The following RELN variants were observed in gnomAD, a reference collection of about 807,000 sequenced individuals.
RELN encodes the protein reelin.
A neutral mutation model predicts 427.6 loss-of-function variants in RELN; 108 were observed. That is an observed-to-expected ratio of 0.25 (90% CI 0.22 to 0.30). The LOEUF is 0.30. Among genes scored for constraint, RELN ranks in the 10% least tolerant of loss-of-function variants. The pLI is 1.00. For synonymous variants in RELN, 1,524 were observed against 1,513.4 expected (o/e 1.01, Z -0.16); for missense variants, 3,715 against 4,302.8 (o/e 0.86, Z 3.82).
Position 103,597,705 on chromosome 7 carries a change from G to A in RELN, c.3334-1044C>T, listed in dbSNP as rs947331622. On this transcript the variant is annotated intron_variant, in intron 24 of 64. Transcript: ENST00000428762. ...TTAGGAGAGATCATTTAAATAAATT[G>A]TTGCAACCACTAAATGGTCTCTGTG... 3.9e-5 allele frequency among the ~76,000 whole-genome samples: 6 copies of A among 152,130 alleles called. No individual in the cohort carries two copies. The East Asian group carries it at 1.2e-3, about 29-fold the overall frequency.
At chr7:103,901,661 G>T (rs3915121) in intron 2 of RELN, among the ~76,000 whole-genome samples, 2 of 152,008 alleles carry the variant, frequency 1.3e-5, no homozygotes, top group African/African-American at 2.4e-5. Flanking sequence ...GTCACATGTT[G>T]TATGTTTCCA....
intron 1 of RELN, among the ~76,000 whole-genome samples, chr7:103,922,805 C>G (rs1795645124): frequency 6.6e-6 from 1 of 152,148 alleles, no homozygotes; most frequent in Non-Finnish European, 1.5e-5. Context: ...AGCTTCTGGT[C>G]TACAAATGCT....
chr7:103,651,455 G>C (rs535005033), intron 15 of RELN, among the ~76,000 whole-genome samples: 1 of 152,170 alleles, frequency 6.6e-6, no homozygotes, highest in East Asian at 1.9e-4. Context: ...CATAAAGAAT[G>C]AATGGCCTTA....
At chr7:103,645,137 T>C (rs1175493834) in intron 16 of RELN, among the ~76,000 whole-genome samples, 2 of 151,590 alleles carry the variant, frequency 1.3e-5, no homozygotes, top group Non-Finnish European at 3.0e-5. Context: ...GTTCTAAACA[T>C]AGAAATTAAA....
intron 10 of RELN, among the ~76,000 whole-genome samples, chr7:103,686,124 C>T (rs1434644761): frequency 3.3e-5 from 5 of 152,074 alleles, no homozygotes; most frequent in African/African-American, 9.7e-5. Flanking sequence ...TATTCTTTGA[C>T]GATATCCTTT....
intron 2 of RELN, among the ~76,000 whole-genome samples, chr7:103,872,032 T>A (rs867464654): frequency 1.4e-4 from 12 of 88,810 alleles, no homozygotes; most frequent in South Asian, 3.5e-4. Context: ...ATATATATAT[T>A]TTTCTTTTTT....
chr7:103,749,806 C>T (rs768756558), intron 5 of RELN, among the ~76,000 whole-genome samples: 1 of 152,160 alleles, frequency 6.6e-6, no homozygotes. Flanking sequence ...AGAGGCTATT[C>T]GGGACTTGTC....
At chr7:103,523,623 C>CA (rs1829758754) in intron 46 of RELN, 92 bp from the exon 47 acceptor site, 1 of 1,207,706 alleles carries the variant, frequency 8.3e-7, no homozygotes, top group East Asian at 2.3e-5. Context: ...AAGTGTAACA[C>CA]AAAAGCATGT....
chr7:103,659,045 G>A (rs1412455298), intron 12 of RELN, among the ~76,000 whole-genome samples: 1 of 151,600 alleles, frequency 6.6e-6, no homozygotes, highest in South Asian at 2.1e-4. Flanking sequence ...AGCAGTTCTA[G>A]TGGCTCCAGT....
In RELN at chr7:103,790,049, C is replaced by T. The variant is rs141587097; in HGVS notation, c.474-13422G>A. Among the ~76,000 whole-genome samples the T allele has an allele frequency of 5.8e-3, 881 of 152,212 alleles. 5 individuals carry two copies. Among genetic ancestry groups the T allele is most frequent in the African/African-American group, 0.02 (815 of 41,528 alleles). On this transcript the variant is annotated intron_variant, in intron 3 of 64. Transcript: ENST00000428762. Reference sequence around the variant, plus strand: ...GTCCTTTGCAGGGACATGGATGAAGCTGGAAACCATCATTCTCAGCAAACT... The same window carrying T: ...GTCCTTTGCAGGGACATGGATGAAGTTGGAAACCATCATTCTCAGCAAACT...
intron 12 of RELN, among the ~76,000 whole-genome samples, chr7:103,658,958 T>C (rs1047556979): frequency 7.2e-5 from 11 of 151,760 alleles, no homozygotes; most frequent in Non-Finnish European, 1.3e-4. Context: ...ACTACTATTT[T>C]CCCCTCTACT....
chr7:103,870,565 G>A (rs939698256), intron 2 of RELN, among the ~76,000 whole-genome samples: 1 of 151,960 alleles, frequency 6.6e-6, no homozygotes, highest in Non-Finnish European at 1.5e-5. Flanking sequence ...TCTAGAGGAG[G>A]TCTTACTCTT....
chr7:103,500,017 C>G (rs920493215), intron 53 of RELN, among the ~76,000 whole-genome samples: 3 of 152,150 alleles, frequency 2.0e-5, no homozygotes, highest in Non-Finnish European at 2.9e-5. Context: ...AGAACAAACA[C>G]AAATGACAGA....
chr7:103,659,114 C>T (rs775280445), intron 12 of RELN, among the ~76,000 whole-genome samples: 3 of 151,814 alleles, frequency 2.0e-5, no homozygotes, highest in South Asian at 4.2e-4. Context: ...GAATTTCTCC[C>T]TTCATATGGC....
chr7:103,501,033 T>TACTAGATGAAATAGGTTAATAAAAAATG, intron 52 of RELN, 111 bp from the exon 53 acceptor site: 2 of 948,706 alleles, frequency 2.1e-6, no homozygotes, highest in Non-Finnish European at 3.4e-6. Flanking sequence ...AAGATACTCT[T>TACTAGATGAAATAGGTTAATAAAAAATG]ACTAGATGAA....
chr7:103,823,193 C>T (rs1793051687), intron 3 of RELN, among the ~76,000 whole-genome samples: 1 of 151,708 alleles, frequency 6.6e-6, no homozygotes, highest in Admixed American at 6.6e-5. Context: ...TATGTTTTTT[C>T]CATCTCTGTA....
rs201873652 is a variant in RELN at position 103,777,883 on chromosome 7, T to TCACACACACACACACACACA, written c.474-1276_474-1257dup. On this transcript the variant is annotated intron_variant, in intron 3 of 64. Coordinates refer to ENST00000428762, the MANE Select transcript of RELN (RefSeq NM_005045.4). ...TTTCAGCAGTGAAAGTGTTATACCT[T>TCACACACACACACACACACA]CACACACACACACACACACACACAC... Among the ~76,000 whole-genome samples the TCACACACACACACACACACA allele has an allele frequency of 4.1e-3, 587 of 143,952 alleles. 7 individuals carry two copies. Among genetic ancestry groups the TCACACACACACACACACACA allele is most frequent in the South Asian group, 8.6e-3 (37 of 4,312 alleles). 94.4% of individuals were successfully genotyped at this position (143,952 alleles called of 152,430 possible).
intron 53 of RELN, 26 bp from the exon 54 acceptor site, chr7:103,498,278 G>T (rs1828903373): frequency 1.9e-6 from 3 of 1,603,512 alleles, no homozygotes; most frequent in Non-Finnish European, 2.6e-6. Flanking sequence ...GCCAGATGTG[G>T]TTAAAAAAAC....
At position 103,566,124 on chromosome 7, in the gene RELN, A is replaced by G. The variant is rs887920277; in HGVS notation, c.4936+100T>C. On this transcript the variant is annotated intron_variant, in intron 33 of 64. Coordinates refer to ENST00000428762, the MANE Select transcript of RELN (RefSeq NM_005045.4). Reference sequence around the variant, plus strand: ...AGAGCCACCCTCAGCATGGGTAGTTAGGCACACGGTTTTGCATTAGAAAGT... The same window carrying G: ...AGAGCCACCCTCAGCATGGGTAGTTGGGCACACGGTTTTGCATTAGAAAGT... 2.9e-6 allele frequency: 3 copies of G among 1,025,364 alleles called. No homozygotes were observed. The African/African-American group carries it at 4.8e-5, about 16-fold the overall frequency. 63.5% of individuals were successfully genotyped at this position (1,025,364 alleles called of 1,614,324 possible). A position where few individuals can be genotyped will look rare whatever the true frequency, so the allele number is the denominator to read the frequency against.
Sources: allele counts gnomAD v4.1 joint callset (sites outside exome capture counted in the v4.1 genomes callset), GRCh38; gene constraint gnomAD v4.1.1; transcripts MANE v1.5; gene names NCBI Gene and HGNC (gene_info 2026-07-23, HGNC 2026-07-21).